PSMC1: variants seen among roughly 807,000 people sequenced by gnomAD.
The protein encoded by PSMC1 is 26S proteasome regulatory subunit 4.
Under a neutral mutation model 49.8 loss-of-function variants are expected in PSMC1, and 5 were observed. That is an observed-to-expected ratio of 0.10 (90% confidence interval 0.05 to 0.21). PSMC1 has a LOEUF of 0.21. Among genes scored for constraint, PSMC1 ranks in the 10% least tolerant of loss-of-function variants. PSMC1 has a pLI of 1.00. For synonymous variants in PSMC1, 155 were observed against 192.1 expected, an observed-to-expected ratio of 0.81 and a Z score of 1.60; for missense variants, 181 against 535.7, an observed-to-expected ratio of 0.34 and a Z score of 6.54.
intron 8 of PSMC1, chr14:90,268,868 T>C (rs1001291670): frequency 1.9e-5 from 3 of 160,494 alleles, no homozygotes; most frequent in African/African-American, 7.2e-5. Context: ...AGGACTGGTA[T>C]TTGTATAAAG....
intron 10 of PSMC1, chr14:90,271,814 T>C (rs1267652275): frequency 6.5e-6 from 1 of 153,276 alleles, no homozygotes; most frequent in Non-Finnish European, 1.5e-5. Context: ...GCTTAAAACA[T>C]TTTTTTTAAA....
In PSMC1 at chr14:90,274,771, C is replaced by A. The variant is rs1021873943; in HGVS notation, c.*2364C>A. 1 of 141,114 alleles carries A rather than the reference C, an allele frequency of 7.1e-6. No individual in the cohort carries two copies. Among genetic ancestry groups the A allele is most frequent in the African/African-American group, 2.6e-5 (1 of 37,782 alleles). The allele number at this position is 141,114 out of a possible 1,614,324, so 8.7% of individuals were successfully genotyped here. On this transcript the variant is annotated 3_prime_UTR_variant, in exon 11 of 11. Transcript: ENST00000261303. Reference sequence around the variant, plus strand: ...TACTATTAATGGAATACAGTATAGCCCTTTAAATAGGGAACTACACACACA... The same window carrying A: ...TACTATTAATGGAATACAGTATAGCACTTTAAATAGGGAACTACACACACA...
chr14:90,271,119 GCA>G (rs1337855867), intron 10 of PSMC1: 1 of 152,164 alleles, frequency 6.6e-6, no homozygotes, highest in Non-Finnish European at 1.5e-5. Flanking sequence ...TGCAACAATA[GCA>G]CAGTGATTTG....
chr14:90,268,471 T>C (rs1206641040), intron 8 of PSMC1, 58 bp downstream of exon 8: 3 of 1,540,954 alleles, frequency 1.9e-6, no homozygotes, highest in Non-Finnish European at 2.7e-6. Context: ...ATAGCTCTTC[T>C]CTTGAGAATG....
intron 3 of PSMC1, among the ~76,000 whole-genome samples, chr14:90,260,906 A>C (rs1891385805): frequency 6.6e-6 from 1 of 152,256 alleles, no homozygotes; most frequent in Non-Finnish European, 1.5e-5. Flanking sequence ...AATAAATAAA[A>C]TAAAAGTATA....
intron 10 of PSMC1, 64 bp downstream of exon 10, chr14:90,270,416 ATG>A: frequency 6.5e-7 from 1 of 1,538,794 alleles, no homozygotes; most frequent in Non-Finnish European, 8.8e-7. Flanking sequence ...AAGAGTCTAT[ATG>A]TGCTCTTGGG....
chr14:90,266,265 CAAAA>C (rs35743896), intron 7 of PSMC1, among the ~76,000 whole-genome samples: 5 of 148,038 alleles, frequency 3.4e-5, no homozygotes, highest in South Asian at 2.1e-4. Flanking sequence ...AAAAAAAAAA[CAAAA>C]AAAACCCACC....
In PSMC1 at chr14:90,263,736, C is replaced by T. The variant is rs1056584240; in HGVS notation, c.354C>T (p.Asp118=). The change falls in exon 5 of 11, where the codon GAC becomes GAT. Residue 118 remains aspartate, a synonymous_variant. Transcript: ENST00000261303. ...GAACCTTGGAAGAGATCATTGATGACAATCATGCCATCGTGTCTACATCTG... is the reference window on the plus strand; with the variant it reads ...GAACCTTGGAAGAGATCATTGATGATAATCATGCCATCGTGTCTACATCTG... ...SVGTLEEIID[D]NHAIVSTSVG... 2.0e-5 allele frequency: 33 copies of T among 1,611,786 alleles called. No homozygotes were observed. Among genetic ancestry groups the T allele is most frequent in the African/African-American group, 2.7e-5 (2 of 74,866 alleles).
At chr14:90,256,815 G>A (rs1401898524) in intron 1 of PSMC1, among the ~76,000 whole-genome samples, 6 of 152,216 alleles carry the variant, frequency 3.9e-5, no homozygotes, top group Non-Finnish European at 7.3e-5. Context: ...GGGATCCTGG[G>A]GCCGGGGCTC....
In PSMC1 at chr14:90,274,838, A is replaced by ACACACACACACACACACC. The variant is rs1491397403; in HGVS notation, c.*2432_*2433insACACACACACACACACCC. 3 of 67,186 alleles carry ACACACACACACACACACC rather than the reference A, an allele frequency of 4.5e-5. No homozygotes were observed. The highest frequency in any genetic ancestry group is 1.8e-4 in the African/African-American group (3 of 16,314). The allele number at this position is 67,186 out of a possible 1,614,324, so 4.2% of individuals were successfully genotyped here. A position where few individuals can be genotyped will look rare whatever the true frequency, so the allele number is the denominator to read the frequency against. On this transcript the variant is annotated 3_prime_UTR_variant, in exon 11 of 11. Coordinates refer to ENST00000261303, the MANE Select transcript of PSMC1 (RefSeq NM_002802.3). ...CACACACACACACACACACACACAC[A>ACACACACACACACACACC]CCCCAATACATATGAATTGATCTGA... is the stretch of plus-strand genomic sequence containing the variant.
intron 7 of PSMC1, chr14:90,267,953 T>C: frequency 6.1e-6 from 2 of 328,984 alleles, no homozygotes; most frequent in Admixed American, 9.1e-5. Flanking sequence ...TGGGTCAAGG[T>C]TGGAAAATAA....
intron 1 of PSMC1, among the ~76,000 whole-genome samples, chr14:90,257,834 C>G (rs1891325649): frequency 6.6e-6 from 1 of 152,214 alleles, no homozygotes; most frequent in African/African-American, 2.4e-5. Context: ...TTATGATCCG[C>G]CCGCCTCGGC....
chr14:90,264,213 C>T, intron 6 of PSMC1, 44 bp downstream of exon 6: 1 of 1,606,988 alleles, frequency 6.2e-7, no homozygotes, highest in Non-Finnish European at 8.5e-7. Context: ...GTTTTGGTTT[C>T]TGTTGTCCCA....
At chr14:90,260,270 C>A in intron 3 of PSMC1, 59 bp downstream of exon 3, 1 of 1,284,624 alleles carries the variant, frequency 7.8e-7, no homozygotes, top group Non-Finnish European at 1.1e-6. Context: ...CATCTCTGTG[C>A]ATGTAGCTTA....
chr14:90,268,035 T>C, intron 7 of PSMC1, 189 bp from the exon 8 acceptor site: 1 of 510,450 alleles, frequency 2.0e-6, no homozygotes, highest in South Asian at 3.3e-5. Flanking sequence ...AACATGTTAG[T>C]AGATTTTTCT....
intron 1 of PSMC1, 133 bp downstream of exon 1, chr14:90,256,733 C>T (rs1891301157): frequency 7.7e-6 from 11 of 1,429,350 alleles, no homozygotes; most frequent in South Asian, 1.2e-5. Context: ...CTGATCTTCT[C>T]GGCGGGTGGA....
intron 3 of PSMC1, among the ~76,000 whole-genome samples, chr14:90,261,189 C>T (rs967108214): frequency 4.6e-5 from 7 of 152,212 alleles, no homozygotes; most frequent in Non-Finnish European, 1.0e-4. Context: ...AGGGCCTTTG[C>T]CCTTACTCAC....
Position 90,262,786 on chromosome 14 carries a change from C to CA in PSMC1, c.155-519dup, listed in dbSNP as rs553012340. 2.8e-3 allele frequency among the ~76,000 whole-genome samples: 350 copies of CA among 123,702 alleles called. 4 individuals are homozygous for CA. Among genetic ancestry groups the CA allele is most frequent in the South Asian group, 4.9e-3 (19 of 3,900 alleles). 81.2% of individuals were successfully genotyped at this position (123,702 alleles called of 152,430 possible). A position where few individuals can be genotyped will look rare whatever the true frequency, so the allele number is the denominator to read the frequency against. On this transcript the variant is annotated intron_variant, in intron 3 of 10. Coordinates refer to ENST00000261303, the MANE Select transcript of PSMC1 (RefSeq NM_002802.3). ...GCGACAGAGCAACAAGACTCCGTCT[C>CA]AAAAAAAAAAAAAGACACAATTCTT...
At chr14:90,271,512 T>C (rs1017265244) in intron 10 of PSMC1, 42 of 152,360 alleles carry the variant, frequency 2.8e-4, no homozygotes, top group African/African-American at 9.9e-4. Flanking sequence ...CTCTGTAGTA[T>C]TATTCCATAG....
Sources: allele counts gnomAD v4.1 joint callset (sites outside exome capture counted in the v4.1 genomes callset), GRCh38; gene constraint gnomAD v4.1.1; transcripts MANE v1.5; gene names NCBI Gene and HGNC (gene_info 2026-07-23, HGNC 2026-07-21).